Variants in CNTN6 observed in about 807,000 individuals in gnomAD.
CNTN6 encodes the protein contactin-6.
In CNTN6, 137 loss-of-function variants were observed where a neutral mutation model predicts 122.8. That is an observed-to-expected ratio of 1.12 (90% confidence interval 0.97 to 1.29). The LOEUF is 1.29. CNTN6 is among the 50% of genes most tolerant of loss of function. CNTN6 has a pLI of 0.00. For synonymous variants in CNTN6, 570 were observed against 426.0 expected (o/e 1.34, Z -4.16); for missense variants, 1,634 against 1,223.4 (o/e 1.34, Z -5.01).
chr3:1,372,305 C>T lies in CNTN6; in HGVS notation c.1499C>T (p.Thr500Ile), dbSNP rs751364131. The change falls in exon 13 of 23, where the codon ACT becomes ATT. Residue 500 changes from threonine (T) to isoleucine (I), a missense_variant. Physicochemically the swap from Thr to Ile is moderately conservative, Grantham distance 89. Coordinates refer to ENST00000446702, the MANE Select transcript of CNTN6 (RefSeq NM_001289080.2). ...TAATTTTTTTTCTCAACAGAGAGAA[C>T]TGTCATTACCGTCCCACCTTCCAAA... ...NTGSLIVKER[T>I]VITVPPSKMD... 5.6e-6 allele frequency: 9 copies of T among 1,599,198 alleles called. No homozygotes were observed. In the Middle Eastern group the frequency reaches 6.6e-4, roughly 118 times the overall value.
intron 11 of CNTN6, among the ~76,000 whole-genome samples, chr3:1,349,391 G>C (rs945091893): frequency 1.3e-5 from 2 of 150,906 alleles, no homozygotes; most frequent in Non-Finnish European, 3.0e-5. Context: ...TCTTCTGGCT[G>C]TGTGTGTTTT....
chr3:1,372,469 G>A lies in CNTN6; in HGVS notation c.1663G>A (p.Gly555Arg), dbSNP rs1182602107. The stretch of plus-strand genomic sequence containing the variant: ...AGGAGTGGCTCATTTTGAAAGGATT[G>A]GAGGAGTAAGTTACTGAAATTGTTA... ...KKGVAHFERI[G>R]GESVGDLMIR... The change falls in exon 13 of 23, where the codon GGA becomes AGA. Residue 555 changes from glycine to arginine, a missense_variant. Transcript: ENST00000446702. The A allele has an allele frequency of 6.2e-7, 1 of 1,602,626 alleles. No individual in the cohort carries two copies. Among genetic ancestry groups the A allele is most frequent in the Non-Finnish European group, 8.5e-7 (1 of 1,175,792 alleles).
chr3:1,175,993 G>A (rs2125317179), intron 2 of CNTN6, among the ~76,000 whole-genome samples: 1 of 152,284 alleles, frequency 6.6e-6, no homozygotes, highest in African/African-American at 2.4e-5. Flanking sequence ...AACTAAATCT[G>A]GGGTGAGATT....
intron 20 of CNTN6, 128 bp from the exon 21 acceptor site, chr3:1,401,305 C>T (rs1200104015): frequency 1.0e-5 from 7 of 700,710 alleles, no homozygotes; most frequent in Admixed American, 5.6e-5. Context: ...TTTCAAATGA[C>T]ACTGAAGACA....
intron 11 of CNTN6, among the ~76,000 whole-genome samples, chr3:1,330,359 A>G (rs900612810): frequency 1.3e-5 from 2 of 151,838 alleles, no homozygotes; most frequent in Admixed American, 6.6e-5. Context: ...TGAATTCACC[A>G]CATGAAGAAA....
intron 12 of CNTN6, among the ~76,000 whole-genome samples, chr3:1,362,164 C>A (rs1707559331): frequency 6.6e-6 from 1 of 152,036 alleles, no homozygotes; most frequent in Non-Finnish European, 1.5e-5. Context: ...AGTTTCGGAC[C>A]AGCTTCTGGC....
intron 7 of CNTN6, among the ~76,000 whole-genome samples, chr3:1,300,411 T>G (rs759386871): frequency 6.9e-6 from 1 of 145,782 alleles, no homozygotes; most frequent in Non-Finnish European, 1.5e-5. Context: ...TCAGGATTGA[T>G]GACAGTATAA....
intron 3 of CNTN6, among the ~76,000 whole-genome samples, chr3:1,225,705 T>A (rs1194258138): frequency 2.0e-5 from 3 of 151,586 alleles, no homozygotes; most frequent in African/African-American, 7.3e-5. Context: ...TATTGTTTTT[T>A]TTTTTTTTCA....
intron 20 of CNTN6, among the ~76,000 whole-genome samples, chr3:1,399,119 C>A (rs1695342524): frequency 6.6e-6 from 1 of 152,074 alleles, no homozygotes; most frequent in South Asian, 2.1e-4. Context: ...CATTCAGAAT[C>A]CACACTGCCA....
At chr3:1,386,708 C>T (rs1219342815) in intron 20 of CNTN6, among the ~76,000 whole-genome samples, 1 of 151,808 alleles carries the variant, frequency 6.6e-6, no homozygotes, top group Non-Finnish European at 1.5e-5. Context: ...TTTTTTTGCT[C>T]TCTGAATCCT....
intron 11 of CNTN6, among the ~76,000 whole-genome samples, chr3:1,340,470 A>G (rs940310132): frequency 6.6e-6 from 1 of 152,172 alleles, no homozygotes; most frequent in African/African-American, 2.4e-5. Context: ...AATGTTCGGA[A>G]GACTGATTGG....
At chr3:1,344,769 A>T (rs903634991) in intron 11 of CNTN6, among the ~76,000 whole-genome samples, 4 of 152,200 alleles carry the variant, frequency 2.6e-5, no homozygotes, top group East Asian at 1.9e-4. Flanking sequence ...TATAATATTT[A>T]ACAGTCCTTT....
At chr3:1,103,299 C>G (rs1429737130) in intron 1 of CNTN6, among the ~76,000 whole-genome samples, 1 of 152,152 alleles carries the variant, frequency 6.6e-6, no homozygotes, top group African/African-American at 2.4e-5. Context: ...AGAATTTTGA[C>G]AGCCCTATAT....
chr3:1,193,625 TG>T (rs1476853069), intron 2 of CNTN6, among the ~76,000 whole-genome samples: 2 of 152,136 alleles, frequency 1.3e-5, no homozygotes, highest in African/African-American at 4.8e-5. Context: ...ACTGTTTCTC[TG>T]GGCCTCCATT....
Position 1,250,329 on chromosome 3 carries a change from T to C in CNTN6, c.358+22336T>C, listed in dbSNP as rs141937473. Among the ~76,000 whole-genome samples the C allele has an allele frequency of 6.9e-4, 105 of 152,334 alleles. 1 individual carries two copies. The East Asian group carries it at 0.019, about 28-fold the overall frequency. ...ATGTCCTAAAGAAGCATCTCACTTC[T>C]ACCTGTGGTTCCAGTTAGCTCACTC... On this transcript the variant is annotated intron_variant, in intron 4 of 22. Coordinates refer to ENST00000446702, the MANE Select transcript of CNTN6 (RefSeq NM_001289080.2).
At chr3:1,239,714 A>G (rs2094460072) in intron 4 of CNTN6, among the ~76,000 whole-genome samples, 1 of 152,230 alleles carries the variant, frequency 6.6e-6, no homozygotes, top group African/African-American at 2.4e-5. Context: ...CCACACAGCC[A>G]AAGCAAGACT....
chr3:1,382,845 G>T, intron 17 of CNTN6, 97 bp from the exon 18 acceptor site: 1 of 802,778 alleles, frequency 1.2e-6, no homozygotes, highest in Admixed American at 2.6e-5. Flanking sequence ...ATCCATATTT[G>T]TCTCTATGGA....
intron 11 of CNTN6, among the ~76,000 whole-genome samples, chr3:1,339,410 G>A (rs925940223): frequency 4.6e-5 from 7 of 152,138 alleles, no homozygotes; most frequent in South Asian, 4.1e-4. Flanking sequence ...TTTGACGGGC[G>A]TTGTGAAAGA....
rs768229858 is a variant in CNTN6, at chr3:1,220,832, G to C, written c.182+19G>C. On this transcript the variant is annotated intron_variant, in intron 3 of 22. Transcript: ENST00000446702. ...ATTATAGGTAAAATCCTACCTGTGG[G>C]CACCACACTATTTTGTTCTTCCTCA... 2.3e-5 allele frequency: 37 copies of C among 1,579,112 alleles called. No individual in the cohort carries two copies. In the East Asian group the frequency reaches 7.6e-4, roughly 33 times the overall value.
Sources: gnomAD v4.1 joint callset for allele counts (sites outside exome capture counted in the v4.1 genomes callset) on GRCh38, gnomAD v4.1.1 for gene constraint, MANE v1.5 for transcripts, NCBI Gene and HGNC (gene_info 2026-07-23, HGNC 2026-07-21) for gene names.